The following LTBP2 variants were observed in gnomAD, a reference collection of about 807,000 sequenced individuals.
LTBP2 encodes latent-transforming growth factor beta-binding protein 2.
Under a neutral mutation model 210.6 loss-of-function variants are expected in LTBP2, and 103 were observed. The ratio of observed to expected loss-of-function variants is 0.49; its 90% CI spans 0.42 to 0.58. The LOEUF (loss-of-function observed/expected upper bound fraction) is 0.58. Ranked by LOEUF, LTBP2 falls within the 20% of genes least tolerant of loss-of-function variation. The pLI is 0.00. For missense variants in LTBP2, 2,313 were observed against 2,494.5 expected (o/e 0.93, Z 1.55); for synonymous variants, 1,007 against 1,015.0 (o/e 0.99, Z 0.15).
Position 74,532,470 on chromosome 14 carries a change from C to T in LTBP2, c.1943G>A (p.Cys648Tyr). The T allele has an allele frequency of 6.2e-7, 1 of 1,614,218 alleles. No homozygotes were observed. Among genetic ancestry groups the T allele is most frequent in the Non-Finnish European group, 8.5e-7 (1 of 1,180,036 alleles). ...VNTRGSYLCTCRPGLMLDPSR... is the reference protein window; with the variant it reads ...VNTRGSYLCTYRPGLMLDPSR... ...TGGATCCAGCATGAGGCCAGGTCTGCATGTGCACAGGTAGCTGCCCCTGGT... is the reference window on the plus strand; with the variant it reads ...TGGATCCAGCATGAGGCCAGGTCTGTATGTGCACAGGTAGCTGCCCCTGGT... The change falls in exon 10 of 36, where the codon TGC becomes TAC. Residue 648 changes from cysteine (C) to tyrosine (Y), a missense_variant. By Grantham distance (194) the Cys-to-Tyr change is radical. Transcript: ENST00000261978.
chr14:74,535,941 G>A lies in LTBP2; in HGVS notation c.1849C>T (p.Leu617Phe). The A allele has an allele frequency of 6.2e-7, 1 of 1,614,186 alleles. No homozygotes were observed. The highest frequency in any genetic ancestry group is 8.5e-7 in the Non-Finnish European group (1 of 1,180,016). The change falls in exon 9 of 36, where the codon CTC (leucine) becomes TTC (phenylalanine). Residue 617 changes from leucine to phenylalanine, a missense_variant. Transcript: ENST00000261978. ...ECPQGYKRLN[L>F]THCQDINECL... Reference sequence around the variant, plus strand: ...GGGGTCCTACCTTGGCAGTGAGTGAGGTTCAGTCTCTTGTACCCCTGAGGA... The same window carrying A: ...GGGGTCCTACCTTGGCAGTGAGTGAAGTTCAGTCTCTTGTACCCCTGAGGA...
chr14:74,601,536 G>A lies in LTBP2; in HGVS notation c.565+2099C>T, dbSNP rs1034500795. 4.6e-5 allele frequency among the ~76,000 whole-genome samples: 7 copies of A among 152,174 alleles called. No individual in the cohort carries two copies. The South Asian group carries it at 1.4e-3, about 32-fold the overall frequency. ...AAGGGTGTTTAAGCAGATCTGCTTC[G>A]TTGTTTGTTTTTGAGTTTTTGGCTC... is the stretch of plus-strand genomic sequence containing the variant. On this transcript the variant is annotated intron_variant, in intron 2 of 35. Transcript: ENST00000261978.
chr14:74,611,189 G>A (rs1382065753), intron 1 of LTBP2, among the ~76,000 whole-genome samples: 1 of 152,230 alleles, frequency 6.6e-6, no homozygotes, highest in Non-Finnish European at 1.5e-5. Context: ...GTGGAGAGGC[G>A]CCTTGCGAAA....
chr14:74,539,162 C>T (rs2087460504), intron 8 of LTBP2, among the ~76,000 whole-genome samples: 1 of 152,222 alleles, frequency 6.6e-6, no homozygotes, highest in Admixed American at 6.5e-5. Context: ...TTTCTCACAA[C>T]AATTATGCCC....
Position 74,505,167 on chromosome 14 carries a change from A to T in LTBP2, c.4185T>A (p.Ser1395Arg). ...GGTCCCCCGTTGGGGCCTCAGACAT[A>T]CTCTGACCTGTGCGTGACAGATGCT... is the stretch of plus-strand genomic sequence containing the variant. ...HCRPRGAGGQ[S>R]MSEAPTGDHA... Residue 1395 changes from serine to arginine, a missense_variant, in exon 29 of 36, where the codon AGT (serine) becomes AGA (arginine). Ser to Arg is a moderately radical substitution (Grantham distance 110). Coordinates refer to ENST00000261978, the MANE Select transcript of LTBP2 (RefSeq NM_000428.3). 1 of 1,612,584 alleles carries T rather than the reference A, an allele frequency of 6.2e-7. No homozygotes were observed. The highest frequency in any genetic ancestry group is 8.5e-7 in the Non-Finnish European group (1 of 1,179,960).
At chr14:74,549,817 G>T (rs745455801) in intron 8 of LTBP2, 46 bp downstream of exon 8, 7 of 1,513,616 alleles carry the variant, frequency 4.6e-6, no homozygotes, top group Non-Finnish European at 6.4e-6. Context: ...GGCAGGCCCA[G>T]GGAGAGCTTC....
At chr14:74,569,342 G>T (rs907620736) in intron 3 of LTBP2, among the ~76,000 whole-genome samples, 6 of 152,202 alleles carry the variant, frequency 3.9e-5, no homozygotes, top group African/African-American at 1.4e-4. Flanking sequence ...ATTCACACAG[G>T]AGAAGGTTAT....
chr14:74,574,304 GC>G (rs1343033494), intron 3 of LTBP2, among the ~76,000 whole-genome samples: 5 of 152,004 alleles, frequency 3.3e-5, no homozygotes, highest in Non-Finnish European at 7.4e-5. Flanking sequence ...CCAAACTTCC[GC>G]CATGGTAACC....
chr14:74,535,500 T>C (rs1391720849), intron 9 of LTBP2, among the ~76,000 whole-genome samples: 1 of 151,840 alleles, frequency 6.6e-6, no homozygotes, highest in Non-Finnish European at 1.5e-5. Context: ...TAGCTAAAGG[T>C]TTTCAGTTGG....
chr14:74,520,035 G>A lies in LTBP2; in HGVS notation c.2788+1876C>T, dbSNP rs551501148. On this transcript the variant is annotated intron_variant, in intron 17 of 35. Coordinates refer to ENST00000261978, the MANE Select transcript of LTBP2 (RefSeq NM_000428.3). ...TCACAGACTTCTACTGGCTACCCAT[G>A]CCTGTGAGACAGTGTCCAAGCGCTT... Among the ~76,000 whole-genome samples the A allele has an allele frequency of 5.3e-5, 8 of 152,312 alleles. No homozygotes were observed. The South Asian group carries it at 1.4e-3, about 28-fold the overall frequency.
At chr14:74,549,794 C>T (rs1435395174) in intron 8 of LTBP2, 69 bp downstream of exon 8, 5 of 1,342,532 alleles carry the variant, frequency 3.7e-6, no homozygotes, top group Non-Finnish European at 4.3e-6. Flanking sequence ...GAGGGGAAAC[C>T]CTGGCAGGAG....
Position 74,529,040 on chromosome 14 carries a change from C to A in LTBP2, c.2070G>T (p.Arg690=), listed in dbSNP as rs1189240530. 3 of 1,581,168 alleles carry A rather than the reference C, an allele frequency of 1.9e-6. No homozygotes were observed. The highest frequency in any genetic ancestry group is 2.6e-6 in the Non-Finnish European group (3 of 1,163,392). Reference sequence around the variant, plus strand: ...TGCAGCAGCATATCTGCTTGGTGATCCGCTGGGCCAAAGGCAGGGTGCAGG... The same window carrying A: ...TGCAGCAGCATATCTGCTTGGTGATACGCTGGGCCAAAGGCAGGGTGCAGG... ...PGTCTLPLAQ[R]ITKQICCCSR... Residue 690 remains arginine, a synonymous_variant, in exon 11 of 36, where the codon CGG becomes CGT. Coordinates refer to ENST00000261978, the MANE Select transcript of LTBP2 (RefSeq NM_000428.3).
At chr14:74,571,684 G>A (rs1275170053) in intron 3 of LTBP2, among the ~76,000 whole-genome samples, 1 of 152,214 alleles carries the variant, frequency 6.6e-6, no homozygotes, top group African/African-American at 2.4e-5. Context: ...GGCCTGGCTG[G>A]GGTCTTGAGA....
intron 8 of LTBP2, among the ~76,000 whole-genome samples, chr14:74,538,298 T>C (rs1350185348): frequency 1.3e-5 from 2 of 152,174 alleles, no homozygotes; most frequent in Non-Finnish European, 2.9e-5. Flanking sequence ...TTCTCGATCA[T>C]TTGGATCCTG....
chr14:74,502,479 C>T (rs2086921545), intron 34 of LTBP2, 174 bp downstream of exon 34: 6 of 799,160 alleles, frequency 7.5e-6, no homozygotes, highest in Non-Finnish European at 8.4e-6. Flanking sequence ...TTGTTAGGGT[C>T]GGACCTGGGC....
Position 74,501,581 on chromosome 14 carries a change from G to A in LTBP2, c.5180C>T (p.Ala1727Val), listed in dbSNP as rs1377467705. The change falls in exon 35 of 36, where the codon GCC becomes GTC. Residue 1727 changes from alanine to valine, a missense_variant. This residue lies in a region of LTBP2 where 443 missense variants were observed against 501.4 expected (regional missense o/e 0.88). Transcript: ENST00000261978. ...CTCCGCCTGAAGCCCTTCGAAGCCG[G>A]CTGGGGGCTCTGGGAGGAGGAAATC... ...HYVASHPEPPAGFEGLQAEEC... is the reference protein window; with the variant it reads ...HYVASHPEPPVGFEGLQAEEC... 2.5e-6 allele frequency: 4 copies of A among 1,613,962 alleles called. No individual in the cohort carries two copies. Among genetic ancestry groups the A allele is most frequent in the Non-Finnish European group, 3.4e-6 (4 of 1,180,032 alleles).
At position 74,611,675 on chromosome 14, in the gene LTBP2, C is replaced by G; in HGVS notation, c.270G>C (p.Pro90=). The change falls in exon 1 of 36, where the codon CCG becomes CCC. Residue 90 remains proline (P), a synonymous_variant. Coordinates refer to ENST00000261978, the MANE Select transcript of LTBP2 (RefSeq NM_000428.3). ...AGLQPVERAQ[P]GWGSPRRPTE... Reference sequence around the variant, plus strand: ...TGGGCCTCCTGGGGCTCCCCCAGCCCGGCTGGGCCCGCTCCACGGGCTGCA... The same window carrying G: ...TGGGCCTCCTGGGGCTCCCCCAGCCGGGCTGGGCCCGCTCCACGGGCTGCA... 6.4e-7 allele frequency: 1 copy of G among 1,565,400 alleles called. No homozygotes were observed. Among genetic ancestry groups the G allele is most frequent in the Non-Finnish European group, 8.6e-7 (1 of 1,161,958 alleles).
chr14:74,502,837 A>G lies in LTBP2; in HGVS notation c.4986T>C (p.Asp1662=). 2 of 1,614,136 alleles carry G rather than the reference A, an allele frequency of 1.2e-6. No homozygotes were observed. The highest frequency in any genetic ancestry group is 1.7e-6 in the Non-Finnish European group (2 of 1,180,020). Reference sequence around the variant, plus strand: ...GGCCATAGATGCTGTAGTGCAGGTCATCGGGCCCGGGGCCATACTCATAGC... The same window carrying G: ...GGCCATAGATGCTGTAGTGCAGGTCGTCGGGCCCGGGGCCATACTCATAGC... ...RPGYEYGPGP[D]DLHYSIYGPD... Residue 1662 remains aspartate, a synonymous_variant, in exon 34 of 36, where the codon GAT becomes GAC. Coordinates refer to ENST00000261978, the MANE Select transcript of LTBP2 (RefSeq NM_000428.3).
At chr14:74,545,282 T>C (rs979319188) in intron 8 of LTBP2, among the ~76,000 whole-genome samples, 4 of 152,148 alleles carry the variant, frequency 2.6e-5, no homozygotes, top group Admixed American at 1.3e-4. Context: ...ATTTTCCTCA[T>C]CCATCAAATA....
Sources: allele counts gnomAD v4.1 joint callset (sites outside exome capture counted in the v4.1 genomes callset), GRCh38; gene constraint gnomAD v4.1.1; regional missense constraint gnomAD v4.1.1; transcripts MANE v1.5; gene names NCBI Gene and HGNC (gene_info 2026-07-23, HGNC 2026-07-21).